Variants in IQCM observed in about 807,000 individuals in gnomAD.
The protein encoded by IQCM is IQ motif containing M.
In IQCM, 45 loss-of-function variants were observed where a neutral mutation model predicts 57.6. The ratio of observed to expected loss-of-function variants is 0.78; its 90% CI spans 0.62 to 1.00. The LOEUF is 1.00. Ranked by LOEUF, IQCM falls within the 50% of genes least tolerant of loss-of-function variation. The probability of loss-of-function intolerance (pLI) is 0.00; values close to 1 mark genes in which losing one functional copy is unlikely to be tolerated. For synonymous variants in IQCM, 148 were observed against 158.9 expected, an observed-to-expected ratio of 0.93 and a Z score of 0.51; for missense variants, 468 against 511.6, an observed-to-expected ratio of 0.91 and a Z score of 0.82.
intron 13 of IQCM, among the ~76,000 whole-genome samples, chr4:149,383,859 A>T (rs1307603395): frequency 6.6e-6 from 1 of 152,106 alleles, no homozygotes; most frequent in Non-Finnish European, 1.5e-5. Context: ...AGGCTGAGGC[A>T]GGAGAATCAC....
intron 12 of IQCM, among the ~76,000 whole-genome samples, chr4:149,485,157 G>A (rs1741331682): frequency 1.3e-5 from 2 of 151,816 alleles, no homozygotes; most frequent in African/African-American, 4.8e-5. Flanking sequence ...TGACCTTTGG[G>A]AGTTTGATTT....
chr4:149,364,424 C>T (rs1359073524), intron 13 of IQCM, among the ~76,000 whole-genome samples: 1 of 151,966 alleles, frequency 6.6e-6, no homozygotes, highest in Admixed American at 6.6e-5. Flanking sequence ...GGCTGGCTGA[C>T]CGGAAAAGAT....
At chr4:149,447,811 GA>G (rs1736681272) in intron 12 of IQCM, among the ~76,000 whole-genome samples, 1 of 151,486 alleles carries the variant, frequency 6.6e-6, no homozygotes, top group Non-Finnish European at 1.5e-5. Context: ...TAAGATATAT[GA>G]ATGAAACTAC....
In IQCM at chr4:149,553,278, G is replaced by A; in HGVS notation, c.958C>T (p.His320Tyr). The change falls in exon 11 of 14, where the codon CAT becomes TAT. Residue 320 changes from histidine to tyrosine, a missense_variant. Transcript: ENST00000636793. ...LQRVMTKALD[H>Y]GPDMKAVINM... Reference sequence around the variant, plus strand: ...ATAACTGCTTTCATATCTGGTCCATGATCCAAAGCCTACAAAGACAGAAAA... The same window carrying A: ...ATAACTGCTTTCATATCTGGTCCATAATCCAAAGCCTACAAAGACAGAAAA... The A allele has an allele frequency of 8.1e-7, 1 of 1,231,814 alleles. No homozygotes were observed. Among genetic ancestry groups the A allele is most frequent in the Non-Finnish European group, 1.0e-6 (1 of 987,730 alleles). 76.3% of individuals were successfully genotyped at this position (1,231,814 alleles called of 1,614,324 possible). A position where few individuals can be genotyped will look rare whatever the true frequency, so the allele number is the denominator to read the frequency against.
intron 5 of IQCM, among the ~76,000 whole-genome samples, chr4:149,694,882 T>C (rs1763226429): frequency 6.6e-6 from 1 of 152,224 alleles, no homozygotes; most frequent in South Asian, 2.1e-4. Flanking sequence ...TTTTATATTT[T>C]GTACACTGAA....
At chr4:149,379,810 C>T (rs1730952534) in intron 13 of IQCM, among the ~76,000 whole-genome samples, 1 of 152,150 alleles carries the variant, frequency 6.6e-6, no homozygotes, top group African/African-American at 2.4e-5. Flanking sequence ...TTGGAAGGGG[C>T]CAAGTGTGGA....
intron 13 of IQCM, among the ~76,000 whole-genome samples, chr4:149,382,576 C>T (rs1731152100): frequency 6.6e-6 from 1 of 151,910 alleles, no homozygotes; most frequent in Non-Finnish European, 1.5e-5. Context: ...TAAGTACTTT[C>T]CCTGGGCATT....
At chr4:149,461,973 G>A (rs2149711446) in intron 12 of IQCM, among the ~76,000 whole-genome samples, 1 of 152,138 alleles carries the variant, frequency 6.6e-6, no homozygotes, top group East Asian at 1.9e-4. Context: ...TGGCCTGGGG[G>A]TTGGGGTCCC....
intron 13 of IQCM, among the ~76,000 whole-genome samples, chr4:149,361,467 A>G (rs1729481045): frequency 6.6e-6 from 1 of 152,128 alleles, no homozygotes; most frequent in African/African-American, 2.4e-5. Context: ...CCAGGAGGAA[A>G]AAGTGGTTTT....
chr4:149,372,032 T>C (rs1730403216), intron 13 of IQCM, among the ~76,000 whole-genome samples: 1 of 152,186 alleles, frequency 6.6e-6, no homozygotes, highest in Non-Finnish European at 1.5e-5. Flanking sequence ...AACAACTTTC[T>C]GATAAGTACT....
Position 149,354,379 on chromosome 4 carries a change from A to AAAAAAC in IQCM, c.1391-2314_1391-2313insGTTTTT, listed in dbSNP as rs1728802950. 2.1e-5 allele frequency among the ~76,000 whole-genome samples: 3 copies of AAAAAAC among 142,478 alleles called. 1 individual carries two copies. The highest frequency in any genetic ancestry group is 7.8e-5 in the African/African-American group (3 of 38,344). 93.5% of individuals were successfully genotyped at this position (142,478 alleles called of 152,430 possible). ...ACTCCGTCTCAAAAAAAAAAAAAAA[A>AAAAAAC]AAAAAAAAAACTGACAAATTAGGCC... is the stretch of plus-strand genomic sequence containing the variant. On this transcript the variant is annotated intron_variant, in intron 13 of 13. Coordinates refer to ENST00000636793, the MANE Select transcript of IQCM (RefSeq NM_001363507.2).
chr4:149,659,640 T>A (rs1383213189), intron 7 of IQCM, among the ~76,000 whole-genome samples: 1 of 151,970 alleles, frequency 6.6e-6, no homozygotes, highest in Admixed American at 6.6e-5. Flanking sequence ...GAGATATAGA[T>A]CAATGGAACA....
intron 8 of IQCM, among the ~76,000 whole-genome samples, chr4:149,599,174 C>G (rs918442681): frequency 2.6e-5 from 4 of 152,010 alleles, no homozygotes; most frequent in Admixed American, 1.3e-4. Flanking sequence ...CAAAATATCT[C>G]TCAGCTATAG....
At chr4:149,352,874 A>C (rs1728674987) in intron 13 of IQCM, among the ~76,000 whole-genome samples, 1 of 152,210 alleles carries the variant, frequency 6.6e-6, no homozygotes, top group Non-Finnish European at 1.5e-5. Context: ...ATACAAAGAA[A>C]TAATTTATAG....
chr4:149,743,661 G>C (rs966300676), intron 2 of IQCM, among the ~76,000 whole-genome samples: 1 of 152,166 alleles, frequency 6.6e-6, no homozygotes, highest in Non-Finnish European at 1.5e-5. Context: ...TGTTCAGTTA[G>C]AGGAATGAAG....
At chr4:149,384,125 T>C (rs1045216647) in intron 13 of IQCM, among the ~76,000 whole-genome samples, 1 of 152,164 alleles carries the variant, frequency 6.6e-6, no homozygotes, top group East Asian at 1.9e-4. Context: ...TTTTATATTA[T>C]AGTTAAGAAA....
intron 2 of IQCM, among the ~76,000 whole-genome samples, chr4:149,808,148 C>G (rs1774247479): frequency 1.3e-5 from 2 of 152,036 alleles, no homozygotes; most frequent in Admixed American, 1.3e-4. Flanking sequence ...TTCACAATGG[C>G]AAGATATGGA....
At chr4:149,745,627 C>G (rs926260041) in intron 2 of IQCM, among the ~76,000 whole-genome samples, 1 of 152,146 alleles carries the variant, frequency 6.6e-6, no homozygotes, top group Non-Finnish European at 1.5e-5. Context: ...GAAGTAGAAA[C>G]TATTTCCCTA....
At chr4:149,482,295 G>C (rs747206240) in intron 12 of IQCM, among the ~76,000 whole-genome samples, 4 of 151,886 alleles carry the variant, frequency 2.6e-5, no homozygotes, top group Admixed American at 6.6e-5. Context: ...GATTGCTCTA[G>C]CTAGAATTTC....
Sources: gnomAD v4.1 joint callset for allele counts (sites outside exome capture counted in the v4.1 genomes callset) on GRCh38, gnomAD v4.1.1 for gene constraint, MANE v1.5 for transcripts, NCBI Gene and HGNC (gene_info 2026-07-23, HGNC 2026-07-21) for gene names.